Variants in PADI1 observed in about 807,000 individuals in gnomAD.
PADI1 encodes peptidyl arginine deiminase 1, also known as protein-arginine deiminase type-1.
In PADI1, 65 loss-of-function variants were observed where a neutral mutation model predicts 74.8. The ratio of observed to expected loss-of-function variants is 0.87; its 90% CI spans 0.71 to 1.07. PADI1 has a LOEUF of 1.07. Ranked by LOEUF, PADI1 falls within the 50% of genes least tolerant of loss-of-function variation. The pLI, the probability that PADI1 is intolerant of heterozygous loss-of-function variation, is 0.00. For synonymous variants in PADI1, 371 were observed against 336.2 expected (o/e 1.10, Z -1.13); for missense variants, 943 against 854.0 (o/e 1.10, Z -1.30).
At position 17,226,100 on chromosome 1, in the gene PADI1, G is replaced by C. The variant is rs753643347; in HGVS notation, c.594G>C (p.Lys198Asn). The change falls in exon 6 of 16, where the codon AAG (lysine) becomes AAC (asparagine). Residue 198 changes from lysine (K) to asparagine (N), a missense_variant. Lys to Asn is a moderately conservative substitution (Grantham distance 94). Coordinates refer to ENST00000375471, the MANE Select transcript of PADI1 (RefSeq NM_013358.3). ...CCGACAAGCTCTTCGACAGCCACAA[G>C]CTTGTCTTGAACGTGCCCTTTTCTG... Reference protein sequence around the residue: ...NGPDKLFDSHKLVLNVPFSDS... With the variant: ...NGPDKLFDSHNLVLNVPFSDS... The C allele has an allele frequency of 6.2e-7, 1 of 1,614,220 alleles. No individual in the cohort carries two copies. Among genetic ancestry groups the C allele is most frequent in the Non-Finnish European group, 8.5e-7 (1 of 1,180,032 alleles).
chr1:17,215,842 G>A (rs1569763647), intron 1 of PADI1, among the ~76,000 whole-genome samples: 1 of 152,220 alleles, frequency 6.6e-6, no homozygotes, highest in East Asian at 1.9e-4. Context: ...CTGCATTTTA[G>A]AGGGAGAGAC....
intron 4 of PADI1, among the ~76,000 whole-genome samples, chr1:17,225,446 C>A (rs1015675691): frequency 6.6e-6 from 1 of 152,194 alleles, no homozygotes; most frequent in Non-Finnish European, 1.5e-5. Context: ...TTCTCCAGAT[C>A]CCGACCCTCA....
chr1:17,227,526 G>A (rs2072350571), intron 6 of PADI1, among the ~76,000 whole-genome samples: 1 of 145,198 alleles, frequency 6.9e-6, no homozygotes, highest in South Asian at 2.2e-4. Context: ...GTGAGACCCT[G>A]TCTCAAATAA....
At chr1:17,215,465 C>G (rs547794657) in intron 1 of PADI1, among the ~76,000 whole-genome samples, 2 of 152,200 alleles carry the variant, frequency 1.3e-5, no homozygotes, top group East Asian at 3.9e-4. Flanking sequence ...GAGATGTCAA[C>G]TTTTGCCCAA....
intron 1 of PADI1, among the ~76,000 whole-genome samples, chr1:17,209,444 G>A (rs551324239): frequency 1.3e-5 from 2 of 152,326 alleles, no homozygotes; most frequent in South Asian, 4.1e-4. Context: ...CAGAATGGAA[G>A]AGGGTAGCAT....
Position 17,244,116 on chromosome 1 carries a change from C to T in PADI1, c.1865C>T (p.Pro622Leu). ...GAGAAGGTGCAGTCCCTGCTGGAGC[C>T]TCTGGGCCTGCACTGCATCTTCATT... ...LEEKVQSLLE[P>L]LGLHCIFIDD... The change falls in exon 16 of 16, where the codon CCT becomes CTT. Residue 622 changes from proline (P) to leucine (L), a missense_variant. Pro to Leu is a moderately conservative substitution (Grantham distance 98, BLOSUM62 -3). Coordinates refer to ENST00000375471, the MANE Select transcript of PADI1 (RefSeq NM_013358.3). 1 of 1,614,194 alleles carries T rather than the reference C, an allele frequency of 6.2e-7. No homozygotes were observed. The highest frequency in any genetic ancestry group is 8.5e-7 in the Non-Finnish European group (1 of 1,179,998).
Position 17,213,624 on chromosome 1 carries a change from C to T in PADI1, c.92+8315C>T, listed in dbSNP as rs540579043. On this transcript the variant is annotated intron_variant, in intron 1 of 15. Coordinates refer to ENST00000375471, the MANE Select transcript of PADI1 (RefSeq NM_013358.3). ...TGTGACAAGTAACACCTACCTTGGT[C>T]GGGGAGCAGGAGTTGGAGTGAAGTC... Among the ~76,000 whole-genome samples the T allele has an allele frequency of 1.7e-3, 256 of 152,306 alleles. 4 individuals are homozygous for T. The highest frequency in any genetic ancestry group is 1.4e-3 in the Non-Finnish European group (93 of 68,030).
chr1:17,205,156 G>C lies in PADI1; in HGVS notation c.-62G>C. The C allele has an allele frequency of 7.4e-7, 1 of 1,344,720 alleles. No individual in the cohort carries two copies. The allele number at this position is 1,344,720 out of a possible 1,614,324, so 83.3% of individuals were successfully genotyped here. ...ACTCACACTTCTTCCTGGCAAAGAA[G>C]TGCCCAGGACGGGAGCTGGGGAGCC... On this transcript the variant is annotated 5_prime_UTR_variant, in exon 1 of 16. Transcript: ENST00000375471.
In PADI1 at chr1:17,230,634, C is replaced by A; in HGVS notation, c.1116C>A (p.Ser372=). The A allele has an allele frequency of 6.2e-7, 1 of 1,612,910 alleles. No homozygotes were observed. Among genetic ancestry groups the A allele is most frequent in the South Asian group, 1.1e-5 (1 of 90,864 alleles). Residue 372 remains serine, a synonymous_variant, in exon 10 of 16, where the codon TCC becomes TCA. Coordinates refer to ENST00000375471, the MANE Select transcript of PADI1 (RefSeq NM_013358.3). ...PHKSFPVVFD[S]PRNRGLKDFP... ...AATCCTTCCCCGTGGTCTTTGACTCCCCCAGGAACAGGGGCCTGAAAGATT... is the reference window on the plus strand; with the variant it reads ...AATCCTTCCCCGTGGTCTTTGACTCACCCAGGAACAGGGGCCTGAAAGATT...
intron 7 of PADI1, 75 bp downstream of exon 7, chr1:17,228,872 C>A: frequency 6.3e-7 from 1 of 1,586,170 alleles, no homozygotes; most frequent in Non-Finnish European, 8.6e-7. Flanking sequence ...CAGGGCTGGG[C>A]AGGCTGGGGG....
chr1:17,230,310 G>A lies in PADI1; in HGVS notation c.1053+102G>A, dbSNP rs546217552. The A allele has an allele frequency of 1.4e-4, 200 of 1,433,556 alleles. 2 individuals carry two copies. The East Asian group carries it at 4.5e-3, about 32-fold the overall frequency. The allele number at this position is 1,433,556 out of a possible 1,614,324, so 88.8% of individuals were successfully genotyped here. A position where few individuals can be genotyped will look rare whatever the true frequency, so the allele number is the denominator to read the frequency against. ...CAGTGTCGCTAGAGAAGCCACGGCAGCCTGGGCCAGGCCTCTGGGGCGAGG... is the reference window on the plus strand; with the variant it reads ...CAGTGTCGCTAGAGAAGCCACGGCAACCTGGGCCAGGCCTCTGGGGCGAGG... On this transcript the variant is annotated intron_variant, in intron 9 of 15. Transcript: ENST00000375471.
intron 1 of PADI1, among the ~76,000 whole-genome samples, chr1:17,220,536 G>A (rs1170123024): frequency 2.6e-5 from 4 of 152,156 alleles, no homozygotes; most frequent in Non-Finnish European, 5.9e-5. Context: ...TGTTACAGGT[G>A]TTGGGGATGC....
At chr1:17,234,958 A>T (rs1359207841) in intron 11 of PADI1, among the ~76,000 whole-genome samples, 1 of 151,998 alleles carries the variant, frequency 6.6e-6, no homozygotes, top group African/African-American at 2.4e-5. Flanking sequence ...CTCTGCTAAA[A>T]ATACTAAAAT....
intron 13 of PADI1, among the ~76,000 whole-genome samples, chr1:17,239,233 G>C (rs1010936284): frequency 2.6e-5 from 4 of 152,296 alleles, no homozygotes; most frequent in East Asian, 3.9e-4. Flanking sequence ...TAGAGCATTG[G>C]AATGGATGTG....
At chr1:17,235,216 G>A (rs2072603392) in intron 11 of PADI1, among the ~76,000 whole-genome samples, 1 of 123,516 alleles carries the variant, frequency 8.1e-6, no homozygotes, top group Non-Finnish European at 1.7e-5. Flanking sequence ...GAGGGAGGAA[G>A]GGAAGGAAGG....
At chr1:17,219,469 A>C (rs1395819536) in intron 1 of PADI1, among the ~76,000 whole-genome samples, 2 of 152,210 alleles carry the variant, frequency 1.3e-5, no homozygotes, top group East Asian at 3.9e-4. Context: ...TTTTTTGATA[A>C]TAACATTCTA....
Position 17,238,118 on chromosome 1 carries a change from G to A in PADI1, c.1459-498G>A, listed in dbSNP as rs141923103. On this transcript the variant is annotated intron_variant, in intron 12 of 15. Coordinates refer to ENST00000375471, the MANE Select transcript of PADI1 (RefSeq NM_013358.3). ...GGCTGGAGTGCAATAGCGCGATCTT[G>A]GCTCACTACAACCTTCACCTGCTGG... Among the ~76,000 whole-genome samples, 570 of 152,316 alleles carry A rather than the reference G, an allele frequency of 3.7e-3. 6 individuals are homozygous for A. Among genetic ancestry groups the A allele is most frequent in the African/African-American group, 0.013 (550 of 41,576 alleles).
At chr1:17,218,468 G>T (rs1165478811) in intron 1 of PADI1, among the ~76,000 whole-genome samples, 2 of 152,142 alleles carry the variant, frequency 1.3e-5, no homozygotes, top group African/African-American at 4.8e-5. Context: ...CGGAGTCAGA[G>T]GAGAGCAAGC....
intron 1 of PADI1, among the ~76,000 whole-genome samples, chr1:17,220,908 G>A (rs909196655): frequency 4.6e-5 from 7 of 152,210 alleles, no homozygotes; most frequent in Non-Finnish European, 1.0e-4. Flanking sequence ...TGAGTTTGCA[G>A]TGCATCCCCC....
Sources: gnomAD v4.1 joint callset for allele counts (sites outside exome capture counted in the v4.1 genomes callset) on GRCh38, gnomAD v4.1.1 for gene constraint, MANE v1.5 for transcripts, NCBI Gene and HGNC (gene_info 2026-07-23, HGNC 2026-07-21) for gene names.